Variants in CCDC192 observed in about 807,000 individuals in gnomAD.
CCDC192 encodes coiled-coil domain containing 192.
chr5:127,765,835 A>G (rs893323077), intron 3 of CCDC192, among the ~76,000 whole-genome samples: 7 of 152,182 alleles, frequency 4.6e-5, no homozygotes, highest in Admixed American at 3.3e-4. Context: ...TGAAATGAAC[A>G]TGTTCCTTAT....
intron 6 of CCDC192, among the ~76,000 whole-genome samples, chr5:127,893,128 C>T (rs771719533): frequency 6.6e-6 from 1 of 152,122 alleles, no homozygotes; most frequent in Non-Finnish European, 1.5e-5. Context: ...TAATCTTGTC[C>T]ACTCCCATGT....
chr5:127,722,993 A>C (rs867882734), intron 2 of CCDC192, among the ~76,000 whole-genome samples: 2 of 152,058 alleles, frequency 1.3e-5, no homozygotes, highest in South Asian at 2.1e-4. Context: ...TCTGAGAAGA[A>C]TTTCGTTGTC....
chr5:127,787,487 C>T (rs1470904866), intron 3 of CCDC192, among the ~76,000 whole-genome samples: 1 of 152,074 alleles, frequency 6.6e-6, no homozygotes, highest in Non-Finnish European at 1.5e-5. Context: ...TTTCTTTGTC[C>T]CACTGGTTGT....
intron 6 of CCDC192, among the ~76,000 whole-genome samples, chr5:127,876,940 T>C (rs980945841): frequency 6.6e-6 from 1 of 152,228 alleles, no homozygotes; most frequent in Non-Finnish European, 1.5e-5. Context: ...GTAAATTTGC[T>C]TTTACCACCA....
intron 2 of CCDC192, among the ~76,000 whole-genome samples, chr5:127,725,952 G>T (rs1023688357): frequency 5.3e-5 from 8 of 151,638 alleles, no homozygotes; most frequent in African/African-American, 1.9e-4. Context: ...TTTCTAGTAG[G>T]TTCCATTATT....
chr5:127,835,528 G>A (rs151153735), intron 5 of CCDC192, among the ~76,000 whole-genome samples: 118 of 152,242 alleles, frequency 7.8e-4, no homozygotes, highest in South Asian at 2.7e-3. Flanking sequence ...TAGAATGTGC[G>A]TAGGTTTGTT....
chr5:127,741,786 A>G (rs930983432), intron 2 of CCDC192, among the ~76,000 whole-genome samples: 8 of 152,178 alleles, frequency 5.3e-5, no homozygotes, highest in African/African-American at 1.9e-4. Flanking sequence ...CTGTTTATAC[A>G]AGGTCTCTAA....
At chr5:127,725,608 G>A (rs1752276031) in intron 2 of CCDC192, among the ~76,000 whole-genome samples, 2 of 152,076 alleles carry the variant, frequency 1.3e-5, no homozygotes, top group South Asian at 4.1e-4. Flanking sequence ...CACATCTCAA[G>A]TCAAACTAAC....
chr5:127,906,856 G>A (rs915757799), intron 6 of CCDC192, among the ~76,000 whole-genome samples: 3 of 152,164 alleles, frequency 2.0e-5, no homozygotes, highest in African/African-American at 7.2e-5. Flanking sequence ...TACATAGCTA[G>A]AAGTGAAATT....
chr5:127,719,567 A>ATAT lies in CCDC192; in HGVS notation c.114+11807_114+11808insTAT, dbSNP rs1491340239. On this transcript the variant is annotated intron_variant, in intron 2 of 6. Transcript: ENST00000514853. ...TATATATATATATATATACACACATACATATATATATATACCAAGCAGTGG... is the reference window on the plus strand; with the variant it reads ...TATATATATATATATATACACACATATATCATATATATATATACCAAGCAGTGG... 8.5e-4 allele frequency among the ~76,000 whole-genome samples: 11 copies of ATAT among 12,874 alleles called. No individual in the cohort carries two copies. In the South Asian group the frequency reaches 0.013, roughly 15 times the overall value. 8.4% of individuals were successfully genotyped at this position (12,874 alleles called of 152,430 possible). A position where few individuals can be genotyped will look rare whatever the true frequency, so the allele number is the denominator to read the frequency against.
At chr5:127,872,958 G>A (rs950452635) in intron 5 of CCDC192, among the ~76,000 whole-genome samples, 2 of 152,208 alleles carry the variant, frequency 1.3e-5, no homozygotes, top group East Asian at 3.9e-4. Flanking sequence ...AAAGTGGTCT[G>A]GTAATTGAAT....
intron 2 of CCDC192, among the ~76,000 whole-genome samples, chr5:127,733,410 C>T (rs971083991): frequency 4.6e-5 from 7 of 152,124 alleles, no homozygotes; most frequent in African/African-American, 1.7e-4. Flanking sequence ...GTTATCATCT[C>T]CTCCATTTTT....
At chr5:127,904,495 CTTTTTTTT>C (rs11344791) in intron 6 of CCDC192, among the ~76,000 whole-genome samples, 1 of 115,854 alleles carries the variant, frequency 8.6e-6, no homozygotes, top group Non-Finnish European at 1.7e-5. Context: ...TTGGCAGAGA[CTTTTTTTT>C]TTTTTTTTTT....
intron 3 of CCDC192, among the ~76,000 whole-genome samples, chr5:127,761,000 GGCAAAAAC>G (rs1212116150): frequency 5.3e-5 from 8 of 152,092 alleles, no homozygotes; most frequent in Non-Finnish European, 7.4e-5. Flanking sequence ...TTCAAGAGGA[GGCAAAAAC>G]GCAAAAGAAA....
At chr5:127,767,423 T>G (rs183222972) in intron 3 of CCDC192, among the ~76,000 whole-genome samples, 315 of 152,304 alleles carry the variant, frequency 2.1e-3, no homozygotes, top group Admixed American at 4.8e-3. Flanking sequence ...AATGTGCTAT[T>G]TTTTGTACAC....
chr5:127,743,327 G>A (rs972027810), intron 2 of CCDC192, among the ~76,000 whole-genome samples: 3 of 152,132 alleles, frequency 2.0e-5, no homozygotes, highest in Admixed American at 2.0e-4. Flanking sequence ...ACCAACCTTT[G>A]TTGGTTCCTT....
intron 5 of CCDC192, among the ~76,000 whole-genome samples, chr5:127,874,079 G>A (rs536903386): frequency 1.3e-5 from 2 of 152,304 alleles, no homozygotes; most frequent in Admixed American, 1.3e-4. Context: ...TGTTTCAACA[G>A]CTGGCCAGCA....
At chr5:127,936,165 C>T (rs1055880372) in intron 6 of CCDC192, among the ~76,000 whole-genome samples, 1 of 152,110 alleles carries the variant, frequency 6.6e-6, no homozygotes, top group Non-Finnish European at 1.5e-5. Flanking sequence ...AATTCCTATA[C>T]TGGTAGCAGA....
At chr5:127,822,019 G>C (rs1002028400) in intron 5 of CCDC192, among the ~76,000 whole-genome samples, 1 of 152,200 alleles carries the variant, frequency 6.6e-6, no homozygotes, top group Non-Finnish European at 1.5e-5. Context: ...ACTGAACTCT[G>C]GCATTTTCCT....
Sources: allele counts gnomAD v4.1 joint callset (sites outside exome capture counted in the v4.1 genomes callset), GRCh38; gene constraint gnomAD v4.1.1; transcripts MANE v1.5; gene names NCBI Gene and HGNC (gene_info 2026-07-23, HGNC 2026-07-21).